The following EFL1 variants were observed in gnomAD, a reference collection of about 807,000 sequenced individuals.
The protein encoded by EFL1 is elongation factor like GTPase 1.
A neutral mutation model predicts 126.7 loss-of-function variants in EFL1; 76 were observed. The ratio of observed to expected loss-of-function variants is 0.60; its 90% CI spans 0.50 to 0.73. EFL1 has a LOEUF of 0.73. Among genes scored for constraint, EFL1 ranks in the 30% least tolerant of loss-of-function variants. The probability of loss-of-function intolerance (pLI) is 0.00; values close to 1 mark genes in which losing one functional copy is unlikely to be tolerated. For missense variants in EFL1, 1,128 were observed against 1,343.2 expected (o/e 0.84, Z 2.50); for synonymous variants, 410 against 448.4 (o/e 0.91, Z 1.08).
At chr15:82,146,043 G>A (rs1300386491) in intron 18 of EFL1, among the ~76,000 whole-genome samples, 1 of 151,696 alleles carries the variant, frequency 6.6e-6, no homozygotes, top group Non-Finnish European at 1.5e-5. Context: ...CTCATTAGAG[G>A]GAAATTTCAT....
chr15:82,142,431 A>G (rs1036800495), intron 18 of EFL1, among the ~76,000 whole-genome samples: 2 of 152,144 alleles, frequency 1.3e-5, no homozygotes, highest in African/African-American at 4.8e-5. Context: ...TGGAGGCTGC[A>G]GTGGACTATG....
At chr15:82,203,576 T>C (rs1355749209) in intron 15 of EFL1, among the ~76,000 whole-genome samples, 3 of 152,276 alleles carry the variant, frequency 2.0e-5, no homozygotes, top group East Asian at 1.9e-4. Context: ...GGTTTCATCA[T>C]GTTGGCCAGG....
At chr15:82,137,034 TA>T (rs1369976090) in intron 19 of EFL1, among the ~76,000 whole-genome samples, 10 of 149,094 alleles carry the variant, frequency 6.7e-5, no homozygotes, top group African/African-American at 2.5e-4. Context: ...TTTTTTTTTT[TA>T]AAGGAAAAGC....
At position 82,138,425 on chromosome 15, in the gene EFL1, A is replaced by T. The variant is rs370056665; in HGVS notation, c.3174+233T>A. Among the ~76,000 whole-genome samples the T allele has an allele frequency of 9.7e-4, 45 of 46,250 alleles. No individual in the cohort carries two copies. In the Admixed American group the frequency reaches 0.01, roughly 10 times the overall value. 30.3% of individuals were successfully genotyped at this position (46,250 alleles called of 152,430 possible). On this transcript the variant is annotated intron_variant, in intron 19 of 19. Coordinates refer to ENST00000268206, the MANE Select transcript of EFL1 (RefSeq NM_024580.6). ...GGACAAATGAGAGAGAGAGAGAGAG[A>T]GTGTATGTGTGTGTGTGTGTGTGTG...
At chr15:82,203,407 C>A (rs981387082) in intron 15 of EFL1, among the ~76,000 whole-genome samples, 2 of 152,286 alleles carry the variant, frequency 1.3e-5, no homozygotes, top group East Asian at 3.9e-4. Flanking sequence ...CTCGCTCTGT[C>A]GCCCAAGCTG....
chr15:82,192,397 G>C (rs1176100256), intron 15 of EFL1, among the ~76,000 whole-genome samples: 1 of 127,566 alleles, frequency 7.8e-6, no homozygotes, highest in Non-Finnish European at 1.6e-5. Flanking sequence ...GTGAAATTCC[G>C]TCTCAAAAAA....
chr15:82,251,041 G>A (rs1390820245), intron 4 of EFL1, among the ~76,000 whole-genome samples: 4 of 151,874 alleles, frequency 2.6e-5, no homozygotes, highest in East Asian at 1.9e-4. Context: ...GTGAAACCCC[G>A]CCTCTACTAA....
At chr15:82,185,216 C>A (rs28655803) in intron 15 of EFL1, among the ~76,000 whole-genome samples, 3 of 125,752 alleles carry the variant, frequency 2.4e-5, no homozygotes, top group Non-Finnish European at 3.4e-5. Flanking sequence ...TGTGTGTGTG[C>A]GTTCCTCAAT....
intron 15 of EFL1, among the ~76,000 whole-genome samples, chr15:82,211,707 G>A (rs2074592807): frequency 6.6e-6 from 1 of 151,176 alleles, no homozygotes; most frequent in African/African-American, 2.4e-5. Context: ...TTATGAGACT[G>A]CTGCTACTGC....
intron 15 of EFL1, among the ~76,000 whole-genome samples, chr15:82,206,285 T>C (rs566241136): frequency 1.6e-4 from 25 of 152,172 alleles, no homozygotes; most frequent in Non-Finnish European, 3.1e-4. Flanking sequence ...TTAAAGATGA[T>C]ACATAATATA....
intron 6 of EFL1, among the ~76,000 whole-genome samples, chr15:82,238,805 A>C (rs1285379909): frequency 6.6e-6 from 1 of 152,148 alleles, no homozygotes; most frequent in Non-Finnish European, 1.5e-5. Flanking sequence ...TTTGTTTCTC[A>C]GTGCTGAGGC....
At chr15:82,213,291 TA>T (rs2074608555) in intron 15 of EFL1, among the ~76,000 whole-genome samples, 2 of 152,196 alleles carry the variant, frequency 1.3e-5, no homozygotes, top group South Asian at 4.1e-4. Flanking sequence ...CTCACTTTTT[TA>T]AAAGGTCAGT....
rs373744917 is a variant in EFL1 at position 82,253,069 on chromosome 15, T to G, written c.160-294A>C. 7.2e-5 allele frequency among the ~76,000 whole-genome samples: 11 copies of G among 151,984 alleles called. No individual in the cohort carries two copies. The East Asian group carries it at 2.1e-3, about 29-fold the overall frequency. On this transcript the variant is annotated intron_variant, in intron 3 of 19. Coordinates refer to ENST00000268206, the MANE Select transcript of EFL1 (RefSeq NM_024580.6). ...CTTTTTTTTTTTTGAGACAGAGTCT[T>G]ATTCTGTTGCCCAGGCTGGAATGCA...
At chr15:82,225,134 T>G (rs549848841) in intron 12 of EFL1, 31 bp downstream of exon 12, 1 of 1,547,172 alleles carries the variant, frequency 6.5e-7, no homozygotes, top group East Asian at 2.3e-5. Context: ...ACCATATTCC[T>G]AGCCCAGCCC....
intron 11 of EFL1, 83 bp downstream of exon 11, chr15:82,227,367 G>C: frequency 1.3e-6 from 2 of 1,599,992 alleles, no homozygotes; most frequent in South Asian, 2.2e-5. Context: ...TAGCAAACTA[G>C]CGTTCAGCAA....
At position 82,219,800 on chromosome 15, in the gene EFL1, T is replaced by C. The variant is rs746434129; in HGVS notation, c.1463A>G (p.Glu488Gly). Reference protein sequence around the residue: ...EEPRGDEQQVESMTPKPVLQE... With the variant: ...EEPRGDEQQVGSMTPKPVLQE... ...GAGCACAGGTTTAGGGGTCATACTT[T>C]CCACCTGTTGCTCGTCACCTGACAG... Residue 488 changes from glutamate (E) to glycine (G), a missense_variant, in exon 14 of 20, where the codon GAA (glutamate) becomes GGA (glycine). Glu to Gly is a moderately conservative substitution (Grantham distance 98, BLOSUM62 -2). This residue lies in a region of EFL1 where 120 missense variants were observed against 142.1 expected (regional missense o/e 0.84). Coordinates refer to ENST00000268206, the MANE Select transcript of EFL1 (RefSeq NM_024580.6). 16 of 1,606,384 alleles carry C rather than the reference T, an allele frequency of 1.0e-5. No individual in the cohort carries two copies. The highest frequency in any genetic ancestry group is 1.7e-5 in the Admixed American group (1 of 57,728).
rs768566639 is a variant in EFL1, at chr15:82,211,595, G to C, written c.1750+3122C>G. On this transcript the variant is annotated intron_variant, in intron 15 of 19. Coordinates refer to ENST00000268206, the MANE Select transcript of EFL1 (RefSeq NM_024580.6). ...ACACACACACACTAGACACATACTAGACACACACACACACACACACACACT... is the reference window on the plus strand; with the variant it reads ...ACACACACACACTAGACACATACTACACACACACACACACACACACACACT... 1.9e-3 allele frequency among the ~76,000 whole-genome samples: 197 copies of C among 105,720 alleles called. 8 individuals carry two copies. Among genetic ancestry groups the C allele is most frequent in the East Asian group, 0.016 (65 of 4,150 alleles). 69.4% of individuals were successfully genotyped at this position (105,720 alleles called of 152,430 possible). A position where few individuals can be genotyped will look rare whatever the true frequency, so the allele number is the denominator to read the frequency against.
At chr15:82,219,430 G>T (rs1253936601) in intron 14 of EFL1, among the ~76,000 whole-genome samples, 5 of 152,118 alleles carry the variant, frequency 3.3e-5, no homozygotes, top group Non-Finnish European at 5.9e-5. Context: ...ATTAAACAAG[G>T]CCTGAAAATT....
intron 18 of EFL1, 105 bp downstream of exon 18, chr15:82,151,360 C>G (rs981862037): frequency 2.7e-6 from 3 of 1,129,400 alleles, no homozygotes; most frequent in Admixed American, 2.3e-5. Flanking sequence ...TGCACTCCAG[C>G]TGGGGCGACA....
Sources: allele counts gnomAD v4.1 joint callset (sites outside exome capture counted in the v4.1 genomes callset), GRCh38; gene constraint gnomAD v4.1.1; regional missense constraint gnomAD v4.1.1; transcripts MANE v1.5; gene names NCBI Gene and HGNC (gene_info 2026-07-23, HGNC 2026-07-21).